KCNB2: variants seen among roughly 807,000 people sequenced by gnomAD.
The protein encoded by KCNB2 is delayed rectifier potassium channel protein.
KCNB2 carries 15 observed loss-of-function variants against 61.5 expected under a neutral mutation model. The ratio of observed to expected loss-of-function variants is 0.24; its 90% CI spans 0.16 to 0.38. The LOEUF (loss-of-function observed/expected upper bound fraction) is 0.38, where lower values mean the gene tolerates loss of function less well. KCNB2 is among the 10% of genes least tolerant of loss of function. The pLI is 1.00. For missense variants in KCNB2, 828 were observed against 1,125.2 expected (o/e 0.74, Z 3.78); for synonymous variants, 457 against 446.0 (o/e 1.02, Z -0.31).
At position 72,597,001 on chromosome 8, in the gene KCNB2, C is replaced by CTTTTTTTTTTT. The variant is rs869160203; in HGVS notation, c.579+28719_579+28729dup. Reference sequence around the variant, plus strand: ...GCATGCTTGCTTGCTTGCTTGCTTGCTTTTTTTTTTTTTTTTTTTTTTTTT... The same window carrying CTTTTTTTTTTT: ...GCATGCTTGCTTGCTTGCTTGCTTGCTTTTTTTTTTTTTTTTTTTTTTTTTTTTTTTTTTTT... On this transcript the variant is annotated intron_variant, in intron 2 of 2. Coordinates refer to ENST00000523207, the MANE Select transcript of KCNB2 (RefSeq NM_004770.3). 9.1e-4 allele frequency among the ~76,000 whole-genome samples: 59 copies of CTTTTTTTTTTT among 64,644 alleles called. 8 individuals carry two copies. Among genetic ancestry groups the CTTTTTTTTTTT allele is most frequent in the Middle Eastern group, 0.018 (2 of 112 alleles). The allele number at this position is 64,644 out of a possible 152,430, so 42.4% of individuals were successfully genotyped here.
In KCNB2 at chr8:72,606,474, G is replaced by C. The variant is rs77475444; in HGVS notation, c.579+38161G>C. 5.7e-3 allele frequency among the ~76,000 whole-genome samples: 867 copies of C among 152,304 alleles called. 2 individuals carry two copies. Among genetic ancestry groups the C allele is most frequent in the African/African-American group, 0.02 (825 of 41,562 alleles). On this transcript the variant is annotated intron_variant, in intron 2 of 2. Transcript: ENST00000523207. ...TATCTCTGCATGGCAGGATAATGGT[G>C]ATTTGTGATTTTATTGTTATTAACA... is the stretch of plus-strand genomic sequence containing the variant.
intron 2 of KCNB2, among the ~76,000 whole-genome samples, chr8:72,617,925 T>C (rs986548847): frequency 6.6e-6 from 1 of 152,206 alleles, no homozygotes; most frequent in African/African-American, 2.4e-5. Context: ...TGAAGCTCTT[T>C]AGTGAGGGTT....
chr8:72,632,743 T>C (rs1056849808), intron 2 of KCNB2, among the ~76,000 whole-genome samples: 2 of 152,206 alleles, frequency 1.3e-5, no homozygotes, highest in Non-Finnish European at 2.9e-5. Context: ...ATGGGCATGC[T>C]TAATATTCCA....
At chr8:72,857,846 A>G (rs1810232820) in intron 2 of KCNB2, among the ~76,000 whole-genome samples, 1 of 152,194 alleles carries the variant, frequency 6.6e-6, no homozygotes, top group Non-Finnish European at 1.5e-5. Context: ...TGTATTTTGC[A>G]ATAGAGAAAC....
chr8:72,632,028 G>A (rs1049023313), intron 2 of KCNB2, among the ~76,000 whole-genome samples: 1 of 152,068 alleles, frequency 6.6e-6, no homozygotes, highest in Admixed American at 6.6e-5. Flanking sequence ...CTTGAGGCCA[G>A]GAGTTTGAGA....
At position 72,725,601 on chromosome 8, in the gene KCNB2, A is replaced by ATATG. The variant is rs796779126; in HGVS notation, c.579+157291_579+157292insGTAT. On this transcript the variant is annotated intron_variant, in intron 2 of 2. Coordinates refer to ENST00000523207, the MANE Select transcript of KCNB2 (RefSeq NM_004770.3). The stretch of plus-strand genomic sequence containing the variant: ...TATATATATATGTATGTATATATAT[A>ATATG]TATATATATATATATATATATGCAT... 6.1e-4 allele frequency among the ~76,000 whole-genome samples: 61 copies of ATATG among 100,200 alleles called. 1 individual carries two copies. The highest frequency in any genetic ancestry group is 2.1e-3 in the African/African-American group (60 of 28,088). 65.7% of individuals were successfully genotyped at this position (100,200 alleles called of 152,430 possible).
chr8:72,632,414 GGCAGAGTT>G (rs1043820743), intron 2 of KCNB2, among the ~76,000 whole-genome samples: 10 of 152,244 alleles, frequency 6.6e-5, no homozygotes, highest in African/African-American at 9.6e-5. Context: ...ACACTACACA[GGCAGAGTT>G]GCAGAGTTGC....
intron 2 of KCNB2, among the ~76,000 whole-genome samples, chr8:72,765,913 A>G (rs1178497359): frequency 2.6e-5 from 4 of 152,228 alleles, no homozygotes; most frequent in African/African-American, 4.8e-5. Context: ...CTTCTCTTTT[A>G]TCCCAACAAC....
chr8:72,893,065 G>A (rs905959892), intron 2 of KCNB2, among the ~76,000 whole-genome samples: 4 of 150,906 alleles, frequency 2.7e-5, no homozygotes, highest in East Asian at 1.9e-4. Flanking sequence ...TAGATCTGAG[G>A]ACTGGTAAAA....
chr8:72,807,131 A>G (rs1585904799), intron 2 of KCNB2, among the ~76,000 whole-genome samples: 1 of 152,176 alleles, frequency 6.6e-6, no homozygotes, highest in South Asian at 2.1e-4. Context: ...TTTTAACAAA[A>G]CTACCAGGCC....
At chr8:72,687,332 A>C (rs1302546549) in intron 2 of KCNB2, among the ~76,000 whole-genome samples, 2 of 152,186 alleles carry the variant, frequency 1.3e-5, no homozygotes, top group Non-Finnish European at 2.9e-5. Flanking sequence ...TGGAAATTTT[A>C]GACAGCCTTT....
chr8:72,899,220 C>T (rs1245508156), intron 2 of KCNB2, among the ~76,000 whole-genome samples: 6 of 152,100 alleles, frequency 3.9e-5, no homozygotes, highest in South Asian at 2.1e-4. Flanking sequence ...CCTCAACAGA[C>T]GAGGCATCAA....
intron 2 of KCNB2, among the ~76,000 whole-genome samples, chr8:72,765,509 A>G (rs182914901): frequency 6.6e-6 from 1 of 152,312 alleles, no homozygotes; most frequent in Admixed American, 6.5e-5. Context: ...GAGGCTCCTC[A>G]GTTTTAACCT....
chr8:72,619,197 A>G, intron 2 of KCNB2: 1 of 485,396 alleles, frequency 2.1e-6, no homozygotes, highest in Non-Finnish European at 4.0e-6. Flanking sequence ...ATGTCGAATT[A>G]TTCACTGCAG....
chr8:72,807,811 G>A (rs1175851197), intron 2 of KCNB2, among the ~76,000 whole-genome samples: 1 of 152,162 alleles, frequency 6.6e-6, no homozygotes, highest in African/African-American at 2.4e-5. Context: ...ATGAAAGAAA[G>A]AAATGTAGAT....
In KCNB2 at chr8:72,647,555, A is replaced by G. The variant is rs557429021; in HGVS notation, c.579+79242A>G. Among the ~76,000 whole-genome samples the G allele has an allele frequency of 2.0e-5, 3 of 152,302 alleles. No individual in the cohort carries two copies. In the South Asian group the frequency reaches 6.2e-4, roughly 32 times the overall value. ...GAGCTCAGTACTATCAAAGATAAAC[A>G]CAGCTGTACATTCATTAAAGTGGTG... On this transcript the variant is annotated intron_variant, in intron 2 of 2. Coordinates refer to ENST00000523207, the MANE Select transcript of KCNB2 (RefSeq NM_004770.3).
intron 2 of KCNB2, among the ~76,000 whole-genome samples, chr8:72,663,724 A>G (rs1305885194): frequency 2.0e-5 from 3 of 152,204 alleles, no homozygotes; most frequent in Non-Finnish European, 4.4e-5. Context: ...AGGTGCAGAT[A>G]TTTATGTGAG....
chr8:72,802,938 G>T (rs1809155953), intron 2 of KCNB2, among the ~76,000 whole-genome samples: 1 of 152,092 alleles, frequency 6.6e-6, no homozygotes, highest in South Asian at 2.1e-4. Flanking sequence ...TGAAATATCT[G>T]TCTCTGAAAA....
chr8:72,589,702 T>G (rs1807062761), intron 2 of KCNB2, among the ~76,000 whole-genome samples: 1 of 149,404 alleles, frequency 6.7e-6, no homozygotes, highest in Non-Finnish European at 1.5e-5. Context: ...AACAAAAGTG[T>G]AAATCTAAGA....
Sources: allele counts gnomAD v4.1 joint callset (sites outside exome capture counted in the v4.1 genomes callset), GRCh38; gene constraint gnomAD v4.1.1; transcripts MANE v1.5; gene names NCBI Gene and HGNC (gene_info 2026-07-23, HGNC 2026-07-21).